KAZN: variants seen among roughly 807,000 people sequenced by gnomAD.
KAZN encodes kazrin, periplakin interacting protein.
KAZN carries 40 observed loss-of-function variants against 87.4 expected under a neutral mutation model. The ratio of observed to expected loss-of-function variants is 0.46; its 90% CI spans 0.36 to 0.60. The LOEUF is 0.60. Ranked by LOEUF, KAZN falls within the 20% of genes least tolerant of loss-of-function variation. The pLI is 0.00. For synonymous variants in KAZN, 466 were observed against 458.3 expected (o/e 1.02, Z -0.22); for missense variants, 898 against 1,073.9 (o/e 0.84, Z 2.29).
chr1:14,688,811 A>C (rs1318311794), intron 1 of KAZN, among the ~76,000 whole-genome samples: 1 of 152,248 alleles, frequency 6.6e-6, no homozygotes, highest in Middle Eastern at 3.2e-3. Context: ...AGAAAAAGGC[A>C]AATAATATGC....
chr1:14,225,159 T>A (rs1647217917), intron 2 of KAZN, among the ~76,000 whole-genome samples: 2 of 152,170 alleles, frequency 1.3e-5, no homozygotes, highest in South Asian at 4.1e-4. Context: ...CCCCAGTCTT[T>A]GCTAAAAAGC....
intron 2 of KAZN, among the ~76,000 whole-genome samples, chr1:14,188,469 C>T (rs141905787): frequency 1.2e-3 from 180 of 152,058 alleles, no homozygotes; most frequent in African/African-American, 4.2e-3. Flanking sequence ...ACAGAGGAAC[C>T]GGGATCTCAG....
At chr1:14,071,408 G>C (rs1643241700) in intron 1 of KAZN, among the ~76,000 whole-genome samples, 1 of 152,170 alleles carries the variant, frequency 6.6e-6, no homozygotes, top group Non-Finnish European at 1.5e-5. Context: ...CTTGAGCTTT[G>C]CCTGATCTCA....
At chr1:14,301,546 G>A (rs1017589962) in intron 2 of KAZN, among the ~76,000 whole-genome samples, 5 of 152,186 alleles carry the variant, frequency 3.3e-5, no homozygotes, top group East Asian at 1.9e-4. Flanking sequence ...CATGTGAGGC[G>A]CTGGCACCCG....
intron 1 of KAZN, among the ~76,000 whole-genome samples, chr1:14,719,805 C>A (rs760468351): frequency 6.6e-6 from 1 of 152,174 alleles, no homozygotes; most frequent in Non-Finnish European, 1.5e-5. Context: ...CGCCATTGCA[C>A]TCCAGCCTAG....
chr1:14,230,847 G>A (rs972667779), intron 2 of KAZN, among the ~76,000 whole-genome samples: 3 of 152,084 alleles, frequency 2.0e-5, no homozygotes, highest in Non-Finnish European at 2.9e-5. Context: ...ATGTAGTCAC[G>A]AGACAGTTCA....
intron 1 of KAZN, among the ~76,000 whole-genome samples, chr1:14,774,015 C>T (rs1165273204): frequency 2.0e-5 from 3 of 152,218 alleles, no homozygotes; most frequent in Admixed American, 6.5e-5. Flanking sequence ...TGAGCTGCCG[C>T]CATTTTCAAC....
chr1:14,328,748 GAAAAA>G (rs3084955), intron 2 of KAZN, among the ~76,000 whole-genome samples: 12 of 55,932 alleles, frequency 2.1e-4, no homozygotes, highest in Non-Finnish European at 2.7e-4. Context: ...ATCCCTAACT[GAAAAA>G]AAAAAAAAAA....
intron 2 of KAZN, among the ~76,000 whole-genome samples, chr1:14,575,191 G>T (rs1266734310): frequency 6.6e-6 from 1 of 152,078 alleles, no homozygotes; most frequent in Non-Finnish European, 1.5e-5. Flanking sequence ...GATTTCAGTT[G>T]GTTGGGGGAA....
At chr1:14,823,282 A>G (rs1386952870) in intron 1 of KAZN, among the ~76,000 whole-genome samples, 4 of 152,160 alleles carry the variant, frequency 2.6e-5, no homozygotes, top group African/African-American at 9.7e-5. Flanking sequence ...CCGTGAAGTC[A>G]TGCAGGACAA....
chr1:14,195,059 CT>C (rs1274844273), intron 2 of KAZN, among the ~76,000 whole-genome samples: 1 of 152,138 alleles, frequency 6.6e-6, no homozygotes, highest in Non-Finnish European at 1.5e-5. Context: ...ACAATCAACC[CT>C]TCGAGGAAAG....
At chr1:15,029,282 A>C (rs778995296) in intron 2 of KAZN, among the ~76,000 whole-genome samples, 3 of 152,212 alleles carry the variant, frequency 2.0e-5, no homozygotes, top group Non-Finnish European at 4.4e-5. Flanking sequence ...ACAAGGCAGG[A>C]ACCACGTCTG....
intron 2 of KAZN, among the ~76,000 whole-genome samples, chr1:15,007,524 C>T (rs994113358): frequency 6.6e-6 from 1 of 152,210 alleles, no homozygotes. Flanking sequence ...AGGCTGGCCA[C>T]ATCTGGACCC....
intron 1 of KAZN, among the ~76,000 whole-genome samples, chr1:14,845,559 G>GTGGA (rs112956559): frequency 0.15 from 22,275 of 145,384 alleles, 2,129 homozygotes; most frequent in African/African-American, 0.27. Flanking sequence ...AGATGGGTGG[G>GTGGA]TGGATGGATG....
chr1:13,988,423 C>T (rs972823578), intron 1 of KAZN, among the ~76,000 whole-genome samples: 1 of 152,058 alleles, frequency 6.6e-6, no homozygotes, highest in African/African-American at 2.4e-5. Context: ...ATTCAACAGG[C>T]AATTTTCCAA....
At chr1:14,983,313 C>T (rs1049430736) in intron 2 of KAZN, among the ~76,000 whole-genome samples, 3 of 152,188 alleles carry the variant, frequency 2.0e-5, no homozygotes, top group Non-Finnish European at 2.9e-5. Flanking sequence ...ACGCTAGAGC[C>T]GGAGCCTTGG....
intron 3 of KAZN, among the ~76,000 whole-genome samples, chr1:15,042,883 G>A (rs1472435186): frequency 6.6e-6 from 1 of 152,230 alleles, no homozygotes; most frequent in South Asian, 2.1e-4. Context: ...TGAATGGGAA[G>A]ATGGTGGCTG....
Position 14,251,643 on chromosome 1 carries a change from C to CTTTTTTTTTTTTTTT in KAZN, c.249+71062_249+71076dup, listed in dbSNP as rs549092023. ...AGGCACAGTGAAAAGTTCTCCCGGA[C>CTTTTTTTTTTTTTTT]TTTTTTTTTTTTTTTTTTTTTTTTT... On this transcript the variant is annotated intron_variant, in intron 2 of 16. Transcript: ENST00000636203. Among the ~76,000 whole-genome samples the CTTTTTTTTTTTTTTT allele has an allele frequency of 4.2e-4, 38 of 90,344 alleles. 6 individuals are homozygous for CTTTTTTTTTTTTTTT. Among genetic ancestry groups the CTTTTTTTTTTTTTTT allele is most frequent in the African/African-American group, 1.6e-3 (27 of 17,088 alleles). 59.3% of individuals were successfully genotyped at this position (90,344 alleles called of 152,430 possible). A position where few individuals can be genotyped will look rare whatever the true frequency, so the allele number is the denominator to read the frequency against.
Position 14,445,273 on chromosome 1 carries a change from A to G in KAZN, c.250-153710A>G, listed in dbSNP as rs534348290. On this transcript the variant is annotated intron_variant, in intron 2 of 16. Transcript: ENST00000636203. ...ACTCCTGACCTCAGGTGATCCGCCC[A>G]TCTCAGCCTCCCAAAGTGCTGAGAT... Among the ~76,000 whole-genome samples, 12 of 152,182 alleles carry G rather than the reference A, an allele frequency of 7.9e-5. 1 individual carries two copies. In the South Asian group the frequency reaches 2.5e-3, roughly 32 times the overall value.
Sources: allele counts gnomAD v4.1 joint callset (sites outside exome capture counted in the v4.1 genomes callset), GRCh38; gene constraint gnomAD v4.1.1; transcripts MANE v1.5; gene names NCBI Gene and HGNC (gene_info 2026-07-23, HGNC 2026-07-21).